The following LEPR variants were observed in gnomAD, a reference collection of about 807,000 sequenced individuals.
LEPR encodes the protein OB receptor.
In LEPR, 56 loss-of-function variants were observed where a neutral mutation model predicts 114.7. The observed-to-expected ratio is 0.49, with a 90% confidence interval of 0.39 to 0.61. The LOEUF is 0.61. Among genes scored for constraint, LEPR ranks in the 20% least tolerant of loss-of-function variants. The pLI, the probability that LEPR is intolerant of heterozygous loss-of-function variation, is 0.00. For missense variants in LEPR, 1,202 were observed against 1,352.9 expected, an observed-to-expected ratio of 0.89 and a Z score of 1.75; for synonymous variants, 443 against 461.4, an observed-to-expected ratio of 0.96 and a Z score of 0.51.
At chr1:65,448,204 A>T (rs1341847296) in intron 2 of LEPR, among the ~76,000 whole-genome samples, 1 of 152,174 alleles carries the variant, frequency 6.6e-6, no homozygotes, top group Non-Finnish European at 1.5e-5. Context: ...CTCCATTCCT[A>T]GTTTACTGAC....
intron 1 of LEPR, among the ~76,000 whole-genome samples, chr1:65,422,311 C>T (rs1646266496): frequency 6.6e-6 from 1 of 152,142 alleles, no homozygotes; most frequent in South Asian, 2.1e-4. Flanking sequence ...GATGCAGCTA[C>T]AAAGTCAGGA....
At position 65,639,207 on chromosome 1, in the gene LEPR, A is replaced by G. The variant is rs1463546124; in HGVS notation, c.*2192A>G. On this transcript the variant is annotated 3_prime_UTR_variant, in exon 20 of 20. Transcript: ENST00000349533. ...CCACTGTAGTGCTGTAGGTCTGTGT[A>G]AAGAAATGTAGTGACAGCACATTAA... 2 of 152,238 alleles carry G rather than the reference A, an allele frequency of 1.3e-5. No homozygotes were observed. The highest frequency in any genetic ancestry group is 1.3e-4 in the Admixed American group (2 of 15,290). 9.4% of individuals were successfully genotyped at this position (152,238 alleles called of 1,614,324 possible).
chr1:65,619,370 A>G (rs915328630), intron 16 of LEPR, among the ~76,000 whole-genome samples: 1 of 152,080 alleles, frequency 6.6e-6, no homozygotes, highest in Non-Finnish European at 1.5e-5. Context: ...ATCATGATGG[A>G]TCCATCTGGA....
intron 2 of LEPR, chr1:65,525,742 G>C: frequency 1.0e-6 from 1 of 986,060 alleles, no homozygotes; most frequent in South Asian, 4.7e-5. Flanking sequence ...GGCCAGCCGA[G>C]CGCGCGCGAC....
chr1:65,629,353 G>C, intron 19 of LEPR: 1 of 447,216 alleles, frequency 2.2e-6, no homozygotes. Context: ...ATGATGTTCT[G>C]TGTTGTAATT....
At chr1:65,572,895 G>A (rs930220484) in intron 5 of LEPR, among the ~76,000 whole-genome samples, 2 of 152,082 alleles carry the variant, frequency 1.3e-5, no homozygotes, top group African/African-American at 4.8e-5. Flanking sequence ...GACTGCTTGG[G>A]CCAGCTGCTC....
intron 2 of LEPR, among the ~76,000 whole-genome samples, chr1:65,540,575 A>G (rs1454161053): frequency 6.6e-6 from 1 of 152,186 alleles, no homozygotes; most frequent in Non-Finnish European, 1.5e-5. Context: ...GGCCCTCACC[A>G]GAAGCAGATG....
chr1:65,519,707 C>T (rs936789519), intron 2 of LEPR, among the ~76,000 whole-genome samples: 2 of 151,898 alleles, frequency 1.3e-5, no homozygotes, highest in African/African-American at 2.4e-5. Context: ...CTTGATCTGT[C>T]GCCCAGGCTA....
intron 5 of LEPR, among the ~76,000 whole-genome samples, chr1:65,582,818 G>A (rs1425207696): frequency 3.3e-5 from 5 of 152,104 alleles, no homozygotes; most frequent in East Asian, 3.9e-4. Flanking sequence ...TAATAGACAC[G>A]ATATAATAAC....
intron 2 of LEPR, among the ~76,000 whole-genome samples, chr1:65,500,700 C>T (rs891355218): frequency 2.6e-5 from 4 of 151,998 alleles, no homozygotes; most frequent in Admixed American, 6.6e-5. Flanking sequence ...TAATTGACAA[C>T]ATTATTTGTA....
At chr1:65,575,638 A>C (rs960147630) in intron 5 of LEPR, among the ~76,000 whole-genome samples, 5 of 151,214 alleles carry the variant, frequency 3.3e-5, no homozygotes, top group African/African-American at 1.2e-4. Context: ...AACAAATGAT[A>C]AGTTAAAAAA....
chr1:65,632,338 T>G (rs962167916), intron 19 of LEPR, among the ~76,000 whole-genome samples: 15 of 152,144 alleles, frequency 9.9e-5, no homozygotes, highest in African/African-American at 3.4e-4. Context: ...TGTATTTCAC[T>G]CCCCTAAAAA....
chr1:65,453,148 C>G (rs889042928), intron 2 of LEPR, among the ~76,000 whole-genome samples: 1 of 151,616 alleles, frequency 6.6e-6, no homozygotes, highest in African/African-American at 2.4e-5. Flanking sequence ...TTTTTTATTG[C>G]GTCTATTAGA....
intron 2 of LEPR, among the ~76,000 whole-genome samples, chr1:65,539,252 T>A (rs1570639603): frequency 4.4e-5 from 1 of 22,500 alleles, no homozygotes; most frequent in South Asian, 9.3e-4. Flanking sequence ...TTGTTAAAGC[T>A]TTTTTTTTTT....
intron 2 of LEPR, among the ~76,000 whole-genome samples, chr1:65,540,947 T>C (rs1203236878): frequency 1.3e-5 from 2 of 152,196 alleles, no homozygotes; most frequent in Non-Finnish European, 2.9e-5. Context: ...TTCTCATGCC[T>C]CAGCCTCTTG....
At chr1:65,557,227 A>G (rs942759643) in intron 2 of LEPR, among the ~76,000 whole-genome samples, 2 of 152,112 alleles carry the variant, frequency 1.3e-5, no homozygotes, top group African/African-American at 4.8e-5. Flanking sequence ...TAAACTGTTC[A>G]TTTCATTTTA....
intron 2 of LEPR, among the ~76,000 whole-genome samples, chr1:65,463,400 G>C (rs1238492167): frequency 6.6e-6 from 1 of 152,188 alleles, no homozygotes; most frequent in African/African-American, 2.4e-5. Context: ...TTTGGTACCA[G>C]TACCATGCTG....
intron 2 of LEPR, among the ~76,000 whole-genome samples, chr1:65,534,315 C>T (rs984315459): frequency 2.0e-5 from 3 of 152,044 alleles, no homozygotes; most frequent in Admixed American, 6.6e-5. Context: ...CTTAAGTTAT[C>T]GAAGTTGAAA....
intron 19 of LEPR, among the ~76,000 whole-genome samples, chr1:65,632,693 A>G (rs1335820858): frequency 6.6e-6 from 1 of 152,288 alleles, no homozygotes; most frequent in East Asian, 1.9e-4. Context: ...AGATTTTAAA[A>G]ACCCATGGTA....
Sources: allele counts gnomAD v4.1 joint callset (sites outside exome capture counted in the v4.1 genomes callset), GRCh38; gene constraint gnomAD v4.1.1; transcripts MANE v1.5; gene names NCBI Gene and HGNC (gene_info 2026-07-23, HGNC 2026-07-21).